Variants in WDR18 observed in about 807,000 individuals in gnomAD.
The protein encoded by WDR18 is WD repeat-containing protein 18.
A neutral mutation model predicts 49.6 loss-of-function variants in WDR18; 33 were observed. That is an observed-to-expected ratio of 0.67 (90% CI 0.50 to 0.89). The LOEUF is 0.89. WDR18 is among the 40% of genes least tolerant of loss of function. The pLI, the probability that WDR18 is intolerant of heterozygous loss-of-function variation, is 0.00. For synonymous variants in WDR18, 315 were observed against 263.6 expected, an observed-to-expected ratio of 1.19 and a Z score of -1.89; for missense variants, 653 against 593.6, an observed-to-expected ratio of 1.10 and a Z score of -1.04.
rs1599448329 is a variant in WDR18 at position 991,824 on chromosome 19, T to G, written c.932-131T>G. Reference sequence around the variant, plus strand: ...GACTGGTCGTGGGGCGGGGCCTGGCTGGGGGCGTGGACTGGCTGTGGGGCG... The same window carrying G: ...GACTGGTCGTGGGGCGGGGCCTGGCGGGGGGCGTGGACTGGCTGTGGGGCG... On this transcript the variant is annotated intron_variant, in intron 7 of 9. Transcript: ENST00000585809. 3 of 873,392 alleles carry G rather than the reference T, an allele frequency of 3.4e-6. No individual in the cohort carries two copies. In the South Asian group the frequency reaches 7.4e-5, roughly 22 times the overall value. 54.1% of individuals were successfully genotyped at this position (873,392 alleles called of 1,614,324 possible).
intron 2 of WDR18, among the ~76,000 whole-genome samples, chr19:986,657 C>T (rs113010808): frequency 0.091 from 13,870 of 152,260 alleles, 845 homozygotes; most frequent in South Asian, 0.21. Context: ...GCTCTCACTG[C>T]GAGACAGAGT....
At chr19:987,292 G>A (rs377695266) in intron 2 of WDR18, among the ~76,000 whole-genome samples, 1 of 152,184 alleles carries the variant, frequency 6.6e-6, no homozygotes, top group Admixed American at 6.5e-5. Context: ...GCAGTGAGAT[G>A]AGATTGTACC....
At chr19:994,175 A>G (rs1250082306) in intron 9 of WDR18, 38 bp from the exon 10 acceptor site, 1 of 1,572,078 alleles carries the variant, frequency 6.4e-7, no homozygotes, top group Admixed American at 1.8e-5. Flanking sequence ...AGCACACCCC[A>G]GGCCACTTCT....
chr19:984,260 G>C (rs1468458380), upstream of WDR18: 1 of 1,307,352 alleles, frequency 7.6e-7, no homozygotes. Context: ...TCGGCCACCC[G>C]CTGGGGCCGC....
Position 994,058 on chromosome 19 carries a change from G to GCAGGCCTC in WDR18, c.1143_1144insTCCAGGCC (p.Val382SerfsTer24), listed in dbSNP as rs1042748099. On this transcript the variant is annotated frameshift_variant, in exon 9 of 10. Coordinates refer to ENST00000585809, the MANE Select transcript of WDR18 (RefSeq NM_024100.4). LOFTEE classifies it high-confidence loss of function. ...GCTACCTGGACCGCACGGAGCAGCT[G>GCAGGCCTC]CAGGCCGTCCTGTGCAGCACCATGG... is the stretch of plus-strand genomic sequence containing the variant. 1 of 1,560,952 alleles carries GCAGGCCTC rather than the reference G, an allele frequency of 6.4e-7. No individual in the cohort carries two copies. Among genetic ancestry groups the GCAGGCCTC allele is most frequent in the African/African-American group, 1.4e-5 (1 of 73,626 alleles).
intron 1 of WDR18, among the ~76,000 whole-genome samples, chr19:984,967 C>T (rs1438702950): frequency 6.6e-6 from 1 of 152,086 alleles, no homozygotes; most frequent in East Asian, 1.9e-4. Flanking sequence ...GAAGGGGTGG[C>T]GCAGGAAACT....
chr19:990,580 G>A, intron 4 of WDR18: 2 of 865,888 alleles, frequency 2.3e-6, no homozygotes, highest in Non-Finnish European at 3.4e-6. Context: ...CCCTGGCCAA[G>A]CCTGGGGAAT....
upstream of WDR18, among the ~76,000 whole-genome samples, chr19:983,036 G>A (rs1220226350): frequency 6.6e-6 from 1 of 152,208 alleles, no homozygotes; most frequent in Non-Finnish European, 1.5e-5. Flanking sequence ...TGCTGCTCGA[G>A]GGCACACGAC....
intron 8 of WDR18, 127 bp downstream of exon 8, chr19:992,248 CGCG>C: frequency 8.4e-7 from 1 of 1,196,232 alleles, no homozygotes; most frequent in Non-Finnish European, 1.1e-6. Flanking sequence ...CACTGGAGGG[CGCG>C]TCCTGTGAGT....
rs1327730540 is a variant in WDR18 at position 984,514 on chromosome 19, C to T, written c.161C>T (p.Ala54Val). Residue 54 changes from alanine (A) to valine (V), a missense_variant, in exon 1 of 10, where the codon GCG becomes GTG. By Grantham distance (64) the Ala-to-Val change is moderately conservative (BLOSUM62 0). Transcript: ENST00000585809. ...CTGCTCAATGGCGAGTATCTGCTGG[C>T]GGCGCAGCTGGGCAAGAATTACATC... ...LALLNGEYLL[A>V]AQLGKNYISA... 2.6e-6 allele frequency: 4 copies of T among 1,543,780 alleles called. No individual in the cohort carries two copies. The Admixed American group carries it at 8.1e-5, about 31-fold the overall frequency.
At position 990,275 on chromosome 19, in the gene WDR18, C is replaced by T. The variant is rs372638575; in HGVS notation, c.508C>T (p.His170Tyr). 3 of 1,599,350 alleles carry T rather than the reference C, an allele frequency of 1.9e-6. No individual in the cohort carries two copies. The highest frequency in any genetic ancestry group is 2.5e-6 in the Non-Finnish European group (3 of 1,179,226). The change falls in exon 4 of 10, where the codon CAC (histidine) becomes TAC (tyrosine). Residue 170 changes from histidine (H) to tyrosine (Y), a missense_variant. His to Tyr is a moderately conservative substitution (Grantham distance 83). Transcript: ENST00000585809. ...RIPAPRHVWS[H>Y]HALPITDLHC... ...TCCGGCGCCCAGGCACGTCTGGTCT[C>T]ACCACGCGCTCCCCATCACGGACCT... is the stretch of plus-strand genomic sequence containing the variant.
Position 994,548 on chromosome 19 carries a change from A to G in WDR18, c.*204A>G. Reference sequence around the variant, plus strand: ...GCTAGTCTGTTTTTAACAAAAGAGGATGAAAAGCCCCTCCTCTCCGGCCTC... The same window carrying G: ...GCTAGTCTGTTTTTAACAAAAGAGGGTGAAAAGCCCCTCCTCTCCGGCCTC... On this transcript the variant is annotated 3_prime_UTR_variant, in exon 10 of 10. Coordinates refer to ENST00000585809, the MANE Select transcript of WDR18 (RefSeq NM_024100.4). 2 of 731,596 alleles carry G rather than the reference A, an allele frequency of 2.7e-6. No individual in the cohort carries two copies. Among genetic ancestry groups the G allele is most frequent in the Non-Finnish European group, 4.3e-6 (2 of 462,090 alleles). 45.3% of individuals were successfully genotyped at this position (731,596 alleles called of 1,614,324 possible).
intron 8 of WDR18, among the ~76,000 whole-genome samples, chr19:993,164 G>A (rs544237617): frequency 3.3e-5 from 5 of 152,386 alleles, no homozygotes; most frequent in Admixed American, 3.3e-4. Flanking sequence ...GTGGGCGCAA[G>A]GAGGGGCGAG....
rs2038605903 is a variant in WDR18 at position 994,448 on chromosome 19, C to G, written c.*104C>G. ...CACCAGCCCAGGCCTGGACTCTCCT[C>G]AGTTCTGTGTCGTGTTCGGGTTTTT... On this transcript the variant is annotated 3_prime_UTR_variant, in exon 10 of 10. Transcript: ENST00000585809. 8.9e-6 allele frequency: 13 copies of G among 1,464,140 alleles called. No individual in the cohort carries two copies. Among genetic ancestry groups the G allele is most frequent in the Non-Finnish European group, 1.1e-5 (12 of 1,098,330 alleles). 90.7% of individuals were successfully genotyped at this position (1,464,140 alleles called of 1,614,324 possible). A position where few individuals can be genotyped will look rare whatever the true frequency, so the allele number is the denominator to read the frequency against.
intron 2 of WDR18, among the ~76,000 whole-genome samples, chr19:987,075 G>A (rs899223887): frequency 3.9e-5 from 6 of 152,230 alleles, no homozygotes; most frequent in African/African-American, 1.2e-4. Flanking sequence ...GGGCATGGCG[G>A]CTCATGCCTG....
chr19:990,116 A>C, intron 3 of WDR18, 107 bp from the exon 4 acceptor site: 3 of 1,415,482 alleles, frequency 2.1e-6, no homozygotes, highest in Non-Finnish European at 2.8e-6. Context: ...GAGGCAGGCC[A>C]GGCTGCTGAG....
chr19:984,569 G>C lies in WDR18; in HGVS notation c.210+6G>C. On this transcript the variant is annotated splice_donor_region_variant and intron_variant, in intron 1 of 9. Transcript: ENST00000585809. ...CCTGGGAGCTCCAGCGGAAGGTGCG[G>C]CGGTGCGGTCTCGCTGCTGGGGTCA... 1.4e-6 allele frequency: 2 copies of C among 1,465,840 alleles called. No individual in the cohort carries two copies. Among genetic ancestry groups the C allele is most frequent in the Non-Finnish European group, 1.8e-6 (2 of 1,107,944 alleles). 90.8% of individuals were successfully genotyped at this position (1,465,840 alleles called of 1,614,324 possible). A position where few individuals can be genotyped will look rare whatever the true frequency, so the allele number is the denominator to read the frequency against.
rs370210897 is a variant in WDR18, at chr19:994,411, G to A, written c.*67G>A. On this transcript the variant is annotated 3_prime_UTR_variant, in exon 10 of 10. Coordinates refer to ENST00000585809, the MANE Select transcript of WDR18 (RefSeq NM_024100.4). ...ATGCCTCCCAGCAACCAGGGCCCGC[G>A]GGTGTGGCCCCCACCAGCCCAGGCC... 6.5e-6 allele frequency: 10 copies of A among 1,538,106 alleles called. No homozygotes were observed. Among genetic ancestry groups the A allele is most frequent in the East Asian group, 2.4e-5 (1 of 41,218 alleles).
At chr19:984,123 C>G (rs1396427815), upstream of WDR18, 1 of 491,654 alleles carries the variant, frequency 2.0e-6, no homozygotes, top group East Asian at 3.6e-5. Flanking sequence ...GCCGGAGACC[C>G]TGGGCCTTGG....
Sources: gnomAD v4.1 joint callset for allele counts (sites outside exome capture counted in the v4.1 genomes callset) on GRCh38, gnomAD v4.1.1 for gene constraint, MANE v1.5 for transcripts, NCBI Gene and HGNC (gene_info 2026-07-23, HGNC 2026-07-21) for gene names.